CYP4V2: variants seen among roughly 807,000 people sequenced by gnomAD.
CYP4V2 encodes the protein cytochrome P450 4V2.
In CYP4V2, 55 loss-of-function variants were observed where a neutral mutation model predicts 60.8. That is an observed-to-expected ratio of 0.90 (90% CI 0.73 to 1.13). The LOEUF (loss-of-function observed/expected upper bound fraction) is 1.13, where lower values mean the gene tolerates loss of function less well. Among genes scored for constraint, CYP4V2 ranks in the 50% most tolerant of loss-of-function variants. The pLI is 0.00. For missense variants in CYP4V2, 675 were observed against 662.9 expected, an observed-to-expected ratio of 1.02 and a Z score of -0.20; for synonymous variants, 239 against 236.8, an observed-to-expected ratio of 1.01 and a Z score of -0.08.
intron 7 of CYP4V2, chr4:186,204,968 C>G: frequency 1.7e-6 from 1 of 575,798 alleles, no homozygotes; most frequent in South Asian, 1.9e-5. Flanking sequence ...CACGTCCCAC[C>G]AGCGTGCAAC....
At position 186,200,223 on chromosome 4, in the gene CYP4V2, G is replaced by A. The variant is rs142639678; in HGVS notation, c.802-934G>A. On this transcript the variant is annotated intron_variant, in intron 6 of 10. Coordinates refer to ENST00000378802, the MANE Select transcript of CYP4V2 (RefSeq NM_207352.4). ...CACCAAGAATAAAAAAAGACATGGT[G>A]TTTTGCCCTCAAATTGCTTAGAATC... Among the ~76,000 whole-genome samples, 400 of 152,242 alleles carry A rather than the reference G, an allele frequency of 2.6e-3. 2 individuals are homozygous for A. Among genetic ancestry groups the A allele is most frequent in the African/African-American group, 9.4e-3 (391 of 41,534 alleles).
chr4:186,194,130 A>G (rs1250752683), intron 1 of CYP4V2, among the ~76,000 whole-genome samples: 2 of 152,228 alleles, frequency 1.3e-5, no homozygotes, highest in Non-Finnish European at 2.9e-5. Flanking sequence ...AGCATAGTTT[A>G]TGGTGAAGTT....
At position 186,213,160 on chromosome 4, in the gene CYP4V2, A is replaced by G. The variant is rs1008997922; in HGVS notation, c.*2519A>G. On this transcript the variant is annotated 3_prime_UTR_variant, in exon 11 of 11. Transcript: ENST00000378802. Reference sequence around the variant, plus strand: ...TTCAGCTCCAGAATTATTGTTACTCATATTTTAATCAGTAAGTCATTTAAG... The same window carrying G: ...TTCAGCTCCAGAATTATTGTTACTCGTATTTTAATCAGTAAGTCATTTAAG... 2.0e-5 allele frequency: 3 copies of G among 152,178 alleles called. No individual in the cohort carries two copies. Among genetic ancestry groups the G allele is most frequent in the Non-Finnish European group, 4.4e-5 (3 of 68,028 alleles). 9.4% of individuals were successfully genotyped at this position (152,178 alleles called of 1,614,324 possible). A position where few individuals can be genotyped will look rare whatever the true frequency, so the allele number is the denominator to read the frequency against.
intron 7 of CYP4V2, chr4:186,204,558 G>A (rs539488285): frequency 5.4e-6 from 1 of 185,696 alleles, no homozygotes; most frequent in East Asian, 1.4e-4. Flanking sequence ...CTCAGTTTCT[G>A]CCTCTGTTTC....
Position 186,205,234 on chromosome 4 carries a change from C to A in CYP4V2, c.1022C>A (p.Ser341Tyr). The A allele has an allele frequency of 6.2e-7, 1 of 1,614,222 alleles. No individual in the cohort carries two copies. The highest frequency in any genetic ancestry group is 1.1e-5 in the South Asian group (1 of 91,084). The change falls in exon 8 of 11, where the codon TCC (serine) becomes TAC (tyrosine). Residue 341 changes from serine (S) to tyrosine (Y), a missense_variant. Ser to Tyr is a moderately radical substitution (Grantham distance 144, BLOSUM62 -2). Coordinates refer to ENST00000378802, the MANE Select transcript of CYP4V2 (RefSeq NM_207352.4). The stretch of plus-strand genomic sequence containing the variant: ...ACAACTGCAGCTGCAATAAACTGGT[C>A]CTTATACCTGTTGGGTTCTAACCCA... Reference protein sequence around the residue: ...HDTTAAAINWSLYLLGSNPEV... With the variant: ...HDTTAAAINWYLYLLGSNPEV...
Position 186,195,799 on chromosome 4 carries a change from A to G in CYP4V2, c.328-204A>G, listed in dbSNP as rs545188029. On this transcript the variant is annotated intron_variant, in intron 2 of 10. Transcript: ENST00000378802. This position sits in a 1 kb window ranked among gnomAD's most constrained non-coding sequence, Gnocchi z 4.1. ...GGACATCTTTCTTCCCCCCAACTCC[A>G]TTGAGTCCCCAAGACTGAATGCCAG... Among the ~76,000 whole-genome samples, 2 of 152,086 alleles carry G rather than the reference A, an allele frequency of 1.3e-5. No individual in the cohort carries two copies. The highest frequency in any genetic ancestry group is 3.9e-4 in the East Asian group (2 of 5,174).
intron 4 of CYP4V2, 129 bp downstream of exon 4, chr4:186,197,259 C>G: frequency 1.7e-6 from 2 of 1,171,838 alleles, no homozygotes; most frequent in South Asian, 2.6e-5. Flanking sequence ...CGCGGTTCTA[C>G]GACCGCACTG....
At chr4:186,208,763 G>T (rs111424698) in intron 8 of CYP4V2, 102 bp from the exon 9 acceptor site, 50 of 1,513,498 alleles carry the variant, frequency 3.3e-5, no homozygotes, top group African/African-American at 3.1e-4. Context: ...TATTTGATGG[G>T]TATTTAGCAT....
chr4:186,202,081 G>A (rs1413615365), intron 7 of CYP4V2: 2 of 152,252 alleles, frequency 1.3e-5, no homozygotes, highest in African/African-American at 4.8e-5. Context: ...CTGGTGTGAG[G>A]CTCCACGACA....
Position 186,196,927 on chromosome 4 carries a change from A to T in CYP4V2, c.414-13A>T. ...GTAGATATATTTTTTGTAACCACAT[A>T]TTTTATTTCTAGTACTGGAAACAAA... On this transcript the variant is annotated splice_polypyrimidine_tract_variant and intron_variant, in intron 3 of 10. Transcript: ENST00000378802. 6.2e-7 allele frequency: 1 copy of T among 1,611,130 alleles called. No individual in the cohort carries two copies. Among genetic ancestry groups the T allele is most frequent in the Middle Eastern group, 2.1e-4 (1 of 4,864 alleles).
intron 5 of CYP4V2, 140 bp from the exon 6 acceptor site, chr4:186,198,817 A>G: frequency 2.3e-6 from 3 of 1,307,332 alleles, no homozygotes; most frequent in Admixed American, 1.9e-5. Flanking sequence ...TGCTAAGCAT[A>G]AAACATGGAG....
At chr4:186,200,622 G>T (rs1736278701) in intron 6 of CYP4V2, among the ~76,000 whole-genome samples, 1 of 152,220 alleles carries the variant, frequency 6.6e-6, no homozygotes, top group Non-Finnish European at 1.5e-5. Flanking sequence ...GATGAGGGAG[G>T]TCTCTCTGAT....
Position 186,211,040 on chromosome 4 carries a change from T to C in CYP4V2, c.*399T>C, listed in dbSNP as rs1425199790. The C allele has an allele frequency of 9.4e-6, 2 of 212,710 alleles. No homozygotes were observed. The highest frequency in any genetic ancestry group is 1.9e-5 in the Non-Finnish European group (2 of 106,500). The allele number at this position is 212,710 out of a possible 1,614,324, so 13.2% of individuals were successfully genotyped here. A position where few individuals can be genotyped will look rare whatever the true frequency, so the allele number is the denominator to read the frequency against. Reference sequence around the variant, plus strand: ...TTTTAGTAGAAACAGGGTGTCACCATGTTGGCCAGACTGGTCTCAAACTCC... The same window carrying C: ...TTTTAGTAGAAACAGGGTGTCACCACGTTGGCCAGACTGGTCTCAAACTCC... On this transcript the variant is annotated 3_prime_UTR_variant, in exon 11 of 11. Transcript: ENST00000378802.
At chr4:186,205,764 A>C (rs1170387122) in intron 8 of CYP4V2, among the ~76,000 whole-genome samples, 1 of 152,186 alleles carries the variant, frequency 6.6e-6, no homozygotes, top group African/African-American at 2.4e-5. Context: ...CCCGGAGGAA[A>C]AGTCCTGCCA....
intron 8 of CYP4V2, among the ~76,000 whole-genome samples, chr4:186,208,317 G>C (rs374075072): frequency 6.7e-6 from 1 of 149,532 alleles, no homozygotes; most frequent in Non-Finnish European, 1.5e-5. Context: ...GTATTTGATG[G>C]GTATTTAGCA....
At chr4:186,192,297 C>G (rs774624832) in intron 1 of CYP4V2, 2 of 686,682 alleles carry the variant, frequency 2.9e-6, no homozygotes, top group South Asian at 3.0e-5. Flanking sequence ...TCTTTTCCCA[C>G]CTCACCGCTG....
intron 7 of CYP4V2, chr4:186,204,387 C>T (rs1198066534): frequency 6.3e-6 from 1 of 158,916 alleles, no homozygotes; most frequent in Non-Finnish European, 1.3e-5. Flanking sequence ...GGAGGCGCTA[C>T]GCTGGCGTAA....
At chr4:186,203,034 G>A (rs573269318) in intron 7 of CYP4V2, 406 of 150,650 alleles carry the variant, frequency 2.7e-3, no homozygotes, top group Middle Eastern at 6.9e-3. Context: ...ACACACATGC[G>A]CATATACACA....
chr4:186,201,026 A>G (rs1736289704), intron 6 of CYP4V2, 131 bp from the exon 7 acceptor site: 3 of 904,052 alleles, frequency 3.3e-6, no homozygotes, highest in Non-Finnish European at 5.1e-6. Flanking sequence ...ACAAGAGCCT[A>G]TGTTGTCGAA....
Sources: allele counts gnomAD v4.1 joint callset (sites outside exome capture counted in the v4.1 genomes callset), GRCh38; gene constraint gnomAD v4.1.1; non-coding constraint Gnocchi (gnomAD v3.1); transcripts MANE v1.5; gene names NCBI Gene and HGNC (gene_info 2026-07-23, HGNC 2026-07-21).